ELAVL2: variants seen among roughly 807,000 people sequenced by gnomAD.
The protein encoded by ELAVL2 is ELAV like RNA binding protein 2.
A neutral mutation model predicts 34.6 loss-of-function variants in ELAVL2; 4 were observed. The observed-to-expected ratio is 0.12, with a 90% CI of 0.06 to 0.26. The LOEUF is 0.26. Ranked by LOEUF, ELAVL2 falls within the 10% of genes least tolerant of loss-of-function variation. ELAVL2 has a pLI of 1.00. For missense variants in ELAVL2, 432 were observed against 442.8 expected, an observed-to-expected ratio of 0.98 and a Z score of 0.22; for synonymous variants, 193 against 154.8, an observed-to-expected ratio of 1.25 and a Z score of -1.83.
the ELAVL2 span, among the ~76,000 whole-genome samples, chr9:23,843,087 C>G: frequency 6.6e-6 from 1 of 152,042 alleles, no homozygotes; most frequent in Non-Finnish European, 1.5e-5. Flanking sequence ...CACTTAAACC[C>G]CCAAGGGGAA....
chr9:23,744,948 A>C (rs1217248842), intron 2 of ELAVL2, among the ~76,000 whole-genome samples: 1 of 152,094 alleles, frequency 6.6e-6, no homozygotes, highest in Non-Finnish European at 1.5e-5. Context: ...AGTGGCTCCC[A>C]AATACCAGCA....
intron 1 of ELAVL2, among the ~76,000 whole-genome samples, chr9:23,778,680 A>C (rs1237997596): frequency 6.6e-6 from 1 of 152,164 alleles, no homozygotes; most frequent in African/African-American, 2.4e-5. Flanking sequence ...TCAGAATGTC[A>C]GAGTACTGGG....
At chr9:23,722,223 A>G (rs2043910405) in intron 3 of ELAVL2, among the ~76,000 whole-genome samples, 1 of 152,220 alleles carries the variant, frequency 6.6e-6, no homozygotes, top group African/African-American at 2.4e-5. Flanking sequence ...GACCAATGTT[A>G]ACACACATTT....
chr9:23,790,652 T>C (rs193068400), intron 1 of ELAVL2, among the ~76,000 whole-genome samples: 21 of 152,316 alleles, frequency 1.4e-4, no homozygotes, highest in Middle Eastern at 6.8e-3. Flanking sequence ...CAAATTAGGC[T>C]GGAGCAAATA....
At chr9:23,742,488 G>A (rs960395525) in intron 2 of ELAVL2, among the ~76,000 whole-genome samples, 12 of 152,148 alleles carry the variant, frequency 7.9e-5, no homozygotes, top group Non-Finnish European at 1.5e-5. Flanking sequence ...GAAAGAGGGA[G>A]GGAAGCTGAG....
intron 2 of ELAVL2, among the ~76,000 whole-genome samples, chr9:23,746,814 G>GAAAAAAAA (rs1329461813): frequency 1.2e-5 from 1 of 86,566 alleles, no homozygotes; most frequent in African/African-American, 4.5e-5. Flanking sequence ...CATGTAAACT[G>GAAAAAAAA]AAAAAGAAAA....
intron 1 of ELAVL2, among the ~76,000 whole-genome samples, chr9:23,775,585 C>T (rs2058059390): frequency 6.6e-6 from 1 of 152,096 alleles, no homozygotes; most frequent in Admixed American, 6.5e-5. Flanking sequence ...GGGGATCTAA[C>T]TAAAATAATG....
At chr9:23,727,729 G>C (rs1353631302) in intron 3 of ELAVL2, among the ~76,000 whole-genome samples, 1 of 152,006 alleles carries the variant, frequency 6.6e-6, no homozygotes, top group Non-Finnish European at 1.5e-5. Flanking sequence ...GGGAACAAAT[G>C]CTTTAGGTCC....
intron 1 of ELAVL2, among the ~76,000 whole-genome samples, chr9:23,780,698 G>C (rs1456489296): frequency 6.6e-6 from 1 of 152,110 alleles, no homozygotes. Flanking sequence ...CAAAACATAA[G>C]CACTATTTTC....
intron 1 of ELAVL2, among the ~76,000 whole-genome samples, chr9:23,785,559 T>C (rs889827281): frequency 2.6e-5 from 4 of 152,132 alleles, no homozygotes; most frequent in African/African-American, 7.2e-5. Flanking sequence ...AAAACAAAAA[T>C]AACAAGGGAG....
At chr9:23,808,540 G>A (rs1320554509) in intron 1 of ELAVL2, among the ~76,000 whole-genome samples, 1 of 151,864 alleles carries the variant, frequency 6.6e-6, no homozygotes, top group Non-Finnish European at 1.5e-5. Flanking sequence ...CTGAATAGAA[G>A]GACAATCAAA....
Position 23,704,908 on chromosome 9 carries a change from G to A in ELAVL2, c.487+10C>T, listed in dbSNP as rs779512700. On this transcript the variant is annotated intron_variant, in intron 4 of 6. Transcript: ENST00000397312. ...CAGGGAAAGACTGTCCGGAGTGGCT[G>A]TCTACTTACCAGTGACCTGGTCGAC... is the stretch of plus-strand genomic sequence containing the variant. The A allele has an allele frequency of 1.8e-5, 29 of 1,613,712 alleles. No homozygotes were observed. In the Middle Eastern group the frequency reaches 8.2e-4, roughly 46 times the overall value.
At chr9:23,757,980 A>G (rs1451306517) in intron 2 of ELAVL2, among the ~76,000 whole-genome samples, 1 of 152,122 alleles carries the variant, frequency 6.6e-6, no homozygotes, top group Non-Finnish European at 1.5e-5. Flanking sequence ...CAGCATTAAG[A>G]AAGATTTAAG....
At chr9:23,803,747 G>C (rs1236760667) in intron 1 of ELAVL2, among the ~76,000 whole-genome samples, 1 of 152,152 alleles carries the variant, frequency 6.6e-6, no homozygotes, top group Non-Finnish European at 1.5e-5. Context: ...GTTGCGGGTG[G>C]GGTGGGGGGA....
chr9:23,712,044 C>T (rs2041103191), intron 3 of ELAVL2, among the ~76,000 whole-genome samples: 1 of 152,108 alleles, frequency 6.6e-6, no homozygotes, highest in Non-Finnish European at 1.5e-5. Flanking sequence ...AGAGGCGACA[C>T]AATCTTCAAC....
chr9:23,840,830 T>C, the ELAVL2 span, among the ~76,000 whole-genome samples: 1 of 152,154 alleles, frequency 6.6e-6, no homozygotes, highest in Non-Finnish European at 1.5e-5. Flanking sequence ...AGAGTTATAT[T>C]TTCCTTTTGA....
rs16907787 is a variant in ELAVL2, at chr9:23,808,065, C to T, written c.-16+17741G>A. Reference sequence around the variant, plus strand: ...GGAATCAGCTCTAGGACTCAAAGTTCACCATCAATTTATCAAGGAGAATAG... The same window carrying T: ...GGAATCAGCTCTAGGACTCAAAGTTTACCATCAATTTATCAAGGAGAATAG... On this transcript the variant is annotated intron_variant, in intron 1 of 6. Coordinates refer to ENST00000397312, the MANE Select transcript of ELAVL2 (RefSeq NM_004432.5). 1.2e-3 allele frequency among the ~76,000 whole-genome samples: 185 copies of T among 152,228 alleles called. 3 individuals carry two copies. In the East Asian group the frequency reaches 0.019, roughly 15 times the overall value.
intron 1 of ELAVL2, among the ~76,000 whole-genome samples, chr9:23,796,174 G>A (rs2137429776): frequency 6.6e-6 from 1 of 152,352 alleles, no homozygotes; most frequent in East Asian, 1.9e-4. Flanking sequence ...ACTAGAGTTA[G>A]AAGGGTGATC....
At chr9:23,747,400 G>T (rs1305833801) in intron 2 of ELAVL2, among the ~76,000 whole-genome samples, 2 of 152,096 alleles carry the variant, frequency 1.3e-5, no homozygotes, top group Non-Finnish European at 2.9e-5. Context: ...TGCAGAAAGC[G>T]AAACTGTTGA....
Sources: allele counts gnomAD v4.1 joint callset (sites outside exome capture counted in the v4.1 genomes callset), GRCh38; gene constraint gnomAD v4.1.1; transcripts MANE v1.5; gene names NCBI Gene and HGNC (gene_info 2026-07-23, HGNC 2026-07-21).